The following LAMA3 variants were observed in gnomAD, a reference collection of about 807,000 sequenced individuals.
LAMA3 encodes laminin subunit alpha-3.
In LAMA3, 281 loss-of-function variants were observed where a neutral mutation model predicts 402.0. That is an observed-to-expected ratio of 0.70 (90% CI 0.63 to 0.77). The LOEUF is 0.77. Ranked by LOEUF, LAMA3 falls within the 30% of genes least tolerant of loss-of-function variation. LAMA3 has a pLI of 0.00. For missense variants in LAMA3, 3,840 were observed against 4,215.5 expected, an observed-to-expected ratio of 0.91 and a Z score of 2.47; for synonymous variants, 1,431 against 1,558.4, an observed-to-expected ratio of 0.92 and a Z score of 1.93.
At chr18:23,699,511 A>T (rs1489565249) in intron 1 of LAMA3, among the ~76,000 whole-genome samples, 1 of 152,230 alleles carries the variant, frequency 6.6e-6, no homozygotes, top group East Asian at 1.9e-4. Flanking sequence ...TTGGGGTCAG[A>T]CTATCTCCTT....
At chr18:23,909,431 A>G (rs1017690389) in intron 55 of LAMA3, 136 bp downstream of exon 55, 3 of 812,636 alleles carry the variant, frequency 3.7e-6, no homozygotes, top group Non-Finnish European at 6.2e-6. Context: ...TTGCTTGAAT[A>G]TAAAGATTGA....
At chr18:23,853,294 A>G (rs1456109806) in intron 32 of LAMA3, among the ~76,000 whole-genome samples, 1 of 152,138 alleles carries the variant, frequency 6.6e-6, no homozygotes, top group South Asian at 2.1e-4. Context: ...TTCATTTGAG[A>G]TGGAGTTTCA....
chr18:23,882,596 C>T (rs1182883264), intron 40 of LAMA3, among the ~76,000 whole-genome samples: 3 of 148,168 alleles, frequency 2.0e-5, no homozygotes, highest in Middle Eastern at 3.5e-3. Flanking sequence ...GGCGAGAGAG[C>T]GAGACTCCAT....
chr18:23,899,633 C>A, intron 47 of LAMA3, 178 bp downstream of exon 47: 1 of 643,514 alleles, frequency 1.6e-6, no homozygotes. Flanking sequence ...AGGTTACCAA[C>A]GGGCTGTAGA....
At chr18:23,873,195 G>A (rs371292352) in intron 38 of LAMA3, 30 of 1,614,088 alleles carry the variant, frequency 1.9e-5, no homozygotes, top group Non-Finnish European at 2.5e-5. Flanking sequence ...AGCGAGTTAT[G>A]TGGAGTTTAG....
At chr18:23,950,287 G>T (rs2082863242) in intron 72 of LAMA3, 128 bp downstream of exon 72, 1 of 987,614 alleles carries the variant, frequency 1.0e-6, no homozygotes, top group Non-Finnish European at 1.5e-6. Context: ...TGACTTCAGT[G>T]CTAACTTACC....
intron 27 of LAMA3, 50 bp from the exon 28 acceptor site, chr18:23,842,345 C>G: frequency 6.2e-7 from 1 of 1,610,526 alleles, no homozygotes; most frequent in Admixed American, 1.7e-5. Context: ...ATTCATAGCT[C>G]TTCAGCTTGA....
chr18:23,793,313 C>T (rs1440946850), intron 12 of LAMA3, among the ~76,000 whole-genome samples: 2 of 151,928 alleles, frequency 1.3e-5, no homozygotes, highest in Non-Finnish European at 2.9e-5. Context: ...TTTACTATCT[C>T]TGGGAATTGG....
rs2061794581 is a variant in LAMA3, at chr18:23,753,801, T to C, written c.936T>C (p.Asn312=). The change falls in exon 6 of 75, where the codon AAT becomes AAC. Residue 312 remains asparagine (N), a synonymous_variant. Transcript: ENST00000313654. ...NGHAEVCNIN[N]PEKLFRCECQ... is the part of the protein sequence containing the mutation. ...ATGCTGAAGTGTGCAATATAAACAATCCTGAAAAACTGTAAGTACACTGTA... is the reference window on the plus strand; with the variant it reads ...ATGCTGAAGTGTGCAATATAAACAACCCTGAAAAACTGTAAGTACACTGTA... The C allele has an allele frequency of 6.2e-7, 1 of 1,612,468 alleles. No individual in the cohort carries two copies. Among genetic ancestry groups the C allele is most frequent in the Non-Finnish European group, 8.5e-7 (1 of 1,178,526 alleles).
intron 74 of LAMA3, among the ~76,000 whole-genome samples, chr18:23,953,748 T>C (rs2083011353): frequency 6.6e-6 from 1 of 152,158 alleles, no homozygotes; most frequent in African/African-American, 2.4e-5. Context: ...TCTGTCCTCT[T>C]CAGGTATTTA....
intron 2 of LAMA3, among the ~76,000 whole-genome samples, chr18:23,729,296 C>T (rs1419960652): frequency 5.3e-5 from 8 of 152,156 alleles, no homozygotes; most frequent in South Asian, 2.1e-4. Flanking sequence ...ATGTATACTT[C>T]GTGTATGAAT....
intron 2 of LAMA3, among the ~76,000 whole-genome samples, chr18:23,746,742 A>G (rs2061657963): frequency 2.0e-5 from 3 of 152,092 alleles, no homozygotes; most frequent in African/African-American, 4.8e-5. Flanking sequence ...TCATACAAAC[A>G]AAAGTTTTTT....
In LAMA3 at chr18:23,879,256, G is replaced by A. The variant is rs528855312; in HGVS notation, c.5113-2680G>A. 1.3e-5 allele frequency among the ~76,000 whole-genome samples: 2 copies of A among 152,172 alleles called. No individual in the cohort carries two copies. The highest frequency in any genetic ancestry group is 2.1e-4 in the South Asian group (1 of 4,812). On this transcript the variant is annotated intron_variant, in intron 39 of 74. Coordinates refer to ENST00000313654, the MANE Select transcript of LAMA3 (RefSeq NM_198129.4). This position sits in a 1 kb window ranked among gnomAD's most constrained non-coding sequence, Gnocchi z 4.2. ...TGGGGGCTCTTTCTAGCTGCATCCC[G>A]CCCCCTTGCACTTCTGCCTTGGGCA... is the stretch of plus-strand genomic sequence containing the variant.
intron 60 of LAMA3, among the ~76,000 whole-genome samples, chr18:23,917,726 A>G (rs2081686729): frequency 6.6e-6 from 1 of 152,046 alleles, no homozygotes; most frequent in African/African-American, 2.4e-5. Context: ...CTTGTTAATT[A>G]TTTAAGTTCT....
intron 33 of LAMA3, among the ~76,000 whole-genome samples, 160 bp from the exon 34 acceptor site, chr18:23,858,529 T>G (rs933222676): frequency 5.9e-5 from 9 of 152,202 alleles, no homozygotes; most frequent in Admixed American, 3.3e-4. Context: ...TTTAAACAAT[T>G]AACATGGGAT....
intron 2 of LAMA3, among the ~76,000 whole-genome samples, chr18:23,738,205 G>C (rs1416021534): frequency 6.6e-6 from 1 of 151,994 alleles, no homozygotes; most frequent in African/African-American, 2.4e-5. Flanking sequence ...AGAGAGGTGG[G>C]GTAGGGCTGG....
intron 18 of LAMA3, among the ~76,000 whole-genome samples, chr18:23,817,243 A>T (rs1242269899): frequency 6.6e-6 from 1 of 152,158 alleles, no homozygotes; most frequent in African/African-American, 2.4e-5. Flanking sequence ...ATTATATTTT[A>T]CCATTTATAA....
At chr18:23,891,996 G>C (rs2080686463) in intron 42 of LAMA3, among the ~76,000 whole-genome samples, 1 of 152,192 alleles carries the variant, frequency 6.6e-6, no homozygotes, top group Admixed American at 6.5e-5. Flanking sequence ...AGGAAGAGCT[G>C]GAAAGGACAT....
At chr18:23,703,677 A>G (rs937038922) in intron 1 of LAMA3, among the ~76,000 whole-genome samples, 1 of 152,016 alleles carries the variant, frequency 6.6e-6, no homozygotes, top group Non-Finnish European at 1.5e-5. Flanking sequence ...GTGTGTGTTT[A>G]AATACCTGGA....
Sources: gnomAD v4.1 joint callset for allele counts (sites outside exome capture counted in the v4.1 genomes callset) on GRCh38, gnomAD v4.1.1 for gene constraint, Gnocchi (gnomAD v3.1) non-coding constraint, MANE v1.5 for transcripts, NCBI Gene and HGNC (gene_info 2026-07-23, HGNC 2026-07-21) for gene names.